The following RBFOX1 variants were observed in gnomAD, a reference collection of about 807,000 sequenced individuals.
RBFOX1 encodes the protein RNA binding protein fox-1 homolog 1.
Under a neutral mutation model 57.7 loss-of-function variants are expected in RBFOX1, and 8 were observed. The observed-to-expected ratio is 0.14, with a 90% confidence interval of 0.08 to 0.25. The LOEUF (loss-of-function observed/expected upper bound fraction) is 0.25. Ranked by LOEUF, RBFOX1 falls within the 10% of genes least tolerant of loss-of-function variation. The probability of loss-of-function intolerance (pLI) is 1.00; values close to 1 mark genes in which losing one functional copy is unlikely to be tolerated. For missense variants in RBFOX1, 611 were observed against 548.5 expected, an observed-to-expected ratio of 1.11 and a Z score of -1.14; for synonymous variants, 326 against 222.4, an observed-to-expected ratio of 1.47 and a Z score of -4.15.
At chr16:6,748,381 G>A (rs1317656946) in intron 3 of RBFOX1, among the ~76,000 whole-genome samples, 1 of 152,024 alleles carries the variant, frequency 6.6e-6, no homozygotes, top group Non-Finnish European at 1.5e-5. Flanking sequence ...ATTATTTGGG[G>A]TGGGCACTGT....
intron 1 of RBFOX1, among the ~76,000 whole-genome samples, chr16:5,460,929 G>C (rs1253499106): frequency 6.6e-6 from 1 of 152,212 alleles, no homozygotes; most frequent in East Asian, 1.9e-4. Context: ...TCATCAGGAA[G>C]GGGGGTGGGT....
In RBFOX1 at chr16:5,947,209, C is replaced by G. The variant is rs562296746; in HGVS notation, c.351+79874C>G. 6.6e-6 allele frequency among the ~76,000 whole-genome samples: 1 copy of G among 152,146 alleles called. No individual in the cohort carries two copies. The highest frequency in any genetic ancestry group is 1.9e-4 in the East Asian group (1 of 5,192). ...CCAGCCTGGGTGGCAGAGTGAGACT[C>G]TGTCTCTAAAACAAAACAAACCAGA... On this transcript the variant is annotated intron_variant, in intron 4 of 19. Transcript: ENST00000641259. This position sits in a 1 kb window ranked among gnomAD's most constrained non-coding sequence, Gnocchi z 7.2.
chr16:6,495,165 C>A (rs117290290), intron 2 of RBFOX1, among the ~76,000 whole-genome samples: 1 of 152,138 alleles, frequency 6.6e-6, no homozygotes, highest in East Asian at 1.9e-4. Context: ...TTCACCCATG[C>A]GGGAGTGAAG....
rs2091646016 is a variant in RBFOX1, at chr16:6,380,184, G to A, written c.-64+63127G>A. On this transcript the variant is annotated intron_variant, in intron 2 of 15. Coordinates refer to ENST00000550418, the MANE Select transcript of RBFOX1 (RefSeq NM_018723.4). ...TGCTTTAAATAGCCACATGGAAAAT[G>A]GGAGAAGGAATTGGCTCATTCAGAT... Among the ~76,000 whole-genome samples, 3 of 152,092 alleles carry A rather than the reference G, an allele frequency of 2.0e-5. 1 individual carries two copies. Among genetic ancestry groups the A allele is most frequent in the Non-Finnish European group, 1.5e-5 (1 of 68,034 alleles).
chr16:5,684,944 C>T (rs185013993), intron 3 of RBFOX1, among the ~76,000 whole-genome samples: 18 of 152,290 alleles, frequency 1.2e-4, no homozygotes, highest in Middle Eastern at 3.4e-3. Context: ...TTTATATTAT[C>T]TCCCAGGCAC....
chr16:6,945,405 C>A (rs566424130), intron 3 of RBFOX1, among the ~76,000 whole-genome samples: 1 of 147,640 alleles, frequency 6.8e-6, no homozygotes, highest in Non-Finnish European at 1.5e-5. Context: ...TTCTAGATGG[C>A]CATGCAGGAA....
chr16:7,215,174 C>T (rs997038927), intron 4 of RBFOX1, among the ~76,000 whole-genome samples: 19 of 152,112 alleles, frequency 1.2e-4, no homozygotes, highest in African/African-American at 3.6e-4. Context: ...TTTTCTGTTC[C>T]TGTGTTAGTT....
intron 2 of RBFOX1, among the ~76,000 whole-genome samples, chr16:6,368,570 C>G (rs555416399): frequency 6.6e-6 from 1 of 152,330 alleles, no homozygotes; most frequent in African/African-American, 2.4e-5. Flanking sequence ...AATTCTTCTG[C>G]TCTATGATCT....
rs980226270 is a variant in RBFOX1, at chr16:7,664,835, G to C, written c.891-94G>C. The C allele has an allele frequency of 5.0e-6, 8 of 1,606,744 alleles. No individual in the cohort carries two copies. The Admixed American group carries it at 5.0e-5, about 10-fold the overall frequency. On this transcript the variant is annotated intron_variant, in intron 12 of 15. Coordinates refer to ENST00000550418, the MANE Select transcript of RBFOX1 (RefSeq NM_018723.4). The stretch of plus-strand genomic sequence containing the variant: ...CCTCGGTTCCTGTGTTTTGGATCTT[G>C]TGACCAGACTAACCTCGCCAGTGCA...
At chr16:5,565,836 G>T (rs8045641) in intron 2 of RBFOX1, among the ~76,000 whole-genome samples, 8,256 of 151,912 alleles carry the variant, frequency 0.054, 758 homozygotes, top group African/African-American at 0.19. Flanking sequence ...AAGGGTAGGT[G>T]GGTGATATGG....
intron 1 of RBFOX1, among the ~76,000 whole-genome samples, chr16:5,424,876 TTTCTTTCTTTCTTTCTTTC>T (rs2067474556): frequency 1.3e-4 from 1 of 7,874 alleles, no homozygotes; most frequent in Non-Finnish European, 3.2e-4. Flanking sequence ...CTTTCTTTTT[TTTCTTTCTTTCTTTCTTTC>T]TTTCTTTCTT....
chr16:5,914,150 C>T (rs1475860179), intron 4 of RBFOX1, among the ~76,000 whole-genome samples: 1 of 152,154 alleles, frequency 6.6e-6, no homozygotes, highest in Non-Finnish European at 1.5e-5. Flanking sequence ...GACGTTTTGG[C>T]CCCAAAATAA....
At chr16:7,286,084 C>G (rs1033643119) in intron 4 of RBFOX1, among the ~76,000 whole-genome samples, 3 of 152,258 alleles carry the variant, frequency 2.0e-5, no homozygotes, top group East Asian at 1.9e-4. Flanking sequence ...ATTTACCACT[C>G]TATAAATATT....
chr16:7,516,368 C>T (rs147206216), intron 4 of RBFOX1, among the ~76,000 whole-genome samples: 11 of 152,136 alleles, frequency 7.2e-5, no homozygotes, highest in Non-Finnish European at 1.2e-4. Flanking sequence ...AGGCTGATGT[C>T]CTATGGCTCA....
intron 2 of RBFOX1, among the ~76,000 whole-genome samples, chr16:5,589,653 C>A (rs945780874): frequency 6.6e-6 from 1 of 152,158 alleles, no homozygotes; most frequent in Admixed American, 6.5e-5. Flanking sequence ...GGATGTGTAA[C>A]CTTTGGCAAA....
At chr16:6,517,373 G>A (rs1311128252) in intron 2 of RBFOX1, among the ~76,000 whole-genome samples, 1 of 152,050 alleles carries the variant, frequency 6.6e-6, no homozygotes, top group African/African-American at 2.4e-5. Flanking sequence ...AAAACTGGAG[G>A]GTCGTCAATT....
intron 4 of RBFOX1, among the ~76,000 whole-genome samples, chr16:7,377,942 G>C (rs1316835744): frequency 6.6e-6 from 1 of 151,778 alleles, no homozygotes; most frequent in Non-Finnish European, 1.5e-5. Context: ...TTTTAGCTGG[G>C]ACAGGAAAGA....
chr16:5,417,677 G>C (rs2067197100), intron 1 of RBFOX1, among the ~76,000 whole-genome samples: 1 of 152,210 alleles, frequency 6.6e-6, no homozygotes, highest in Non-Finnish European at 1.5e-5. Context: ...GCCATTTTCA[G>C]GAAGTCTGCC....
intron 2 of RBFOX1, among the ~76,000 whole-genome samples, chr16:6,572,696 G>A (rs542288668): frequency 3.3e-5 from 5 of 152,062 alleles, no homozygotes; most frequent in South Asian, 2.1e-4. Context: ...GGGCTCAAGC[G>A]ATTCTCTTGC....
Sources: allele counts gnomAD v4.1 joint callset (sites outside exome capture counted in the v4.1 genomes callset), GRCh38; gene constraint gnomAD v4.1.1; non-coding constraint Gnocchi (gnomAD v3.1); transcripts MANE v1.5; gene names NCBI Gene and HGNC (gene_info 2026-07-23, HGNC 2026-07-21).